The following NCOA6 variants were observed in gnomAD, a reference collection of about 807,000 sequenced individuals.
NCOA6 encodes NRC RAP250.
In NCOA6, 49 loss-of-function variants were observed where a neutral mutation model predicts 171.4. The ratio of observed to expected loss-of-function variants is 0.29; its 90% CI spans 0.23 to 0.36. The LOEUF (loss-of-function observed/expected upper bound fraction) is 0.36. NCOA6 is among the 10% of genes least tolerant of loss of function. The pLI is 1.00. For synonymous variants in NCOA6, 910 were observed against 927.5 expected, an observed-to-expected ratio of 0.98 and a Z score of 0.34; for missense variants, 2,248 against 2,554.5, an observed-to-expected ratio of 0.88 and a Z score of 2.59.
rs146535550 is a variant in NCOA6 at position 34,749,991 on chromosome 20, T to C, written c.2204A>G (p.Asn735Ser). 63 of 1,614,140 alleles carry C rather than the reference T, an allele frequency of 3.9e-5. No individual in the cohort carries two copies. The highest frequency in any genetic ancestry group is 6.6e-5 in the South Asian group (6 of 91,094). Residue 735 changes from asparagine (N) to serine (S), a missense_variant, in exon 9 of 15, where the codon AAT (asparagine) becomes AGT (serine). This residue lies in a region of NCOA6 where 987 missense variants were observed against 1,104.7 expected (regional missense o/e 0.89). Coordinates refer to ENST00000359003, the MANE Select transcript of NCOA6 (RefSeq NM_014071.5). ...TATCTGGGCTGGTCCCGGCATGACA[T>C]TGGACTGGTTCTGAGTGTTAAACTG... is the stretch of plus-strand genomic sequence containing the variant. Reference protein sequence around the residue: ...KQQFNTQNQSNVMPGPAQIMR... With the variant: ...KQQFNTQNQSSVMPGPAQIMR...
chr20:34,775,855 T>A (rs2077304889), intron 4 of NCOA6, among the ~76,000 whole-genome samples: 1 of 151,966 alleles, frequency 6.6e-6, no homozygotes, highest in Non-Finnish European at 1.5e-5. Flanking sequence ...ATAGGTGTAG[T>A]CCCAGCTACT....
intron 1 of NCOA6, among the ~76,000 whole-genome samples, chr20:34,824,203 T>C (rs1316379995): frequency 6.6e-6 from 1 of 152,246 alleles, no homozygotes; most frequent in African/African-American, 2.4e-5. Flanking sequence ...GTTTGTTTGC[T>C]TTTAGTTTCA....
chr20:34,734,178 C>A (rs1372039820), intron 12 of NCOA6, among the ~76,000 whole-genome samples: 1 of 152,080 alleles, frequency 6.6e-6, no homozygotes, highest in Non-Finnish European at 1.5e-5. Context: ...GATTCTCCTG[C>A]CACAGCCTCC....
chr20:34,744,464 T>A (rs192928968), intron 10 of NCOA6, among the ~76,000 whole-genome samples: 1 of 152,190 alleles, frequency 6.6e-6, no homozygotes. Flanking sequence ...CATTGTTGCA[T>A]GAAGAGTACA....
At chr20:34,743,449 CA>C (rs2076213287) in intron 10 of NCOA6, 108 bp from the exon 11 acceptor site, 3 of 1,201,798 alleles carry the variant, frequency 2.5e-6, no homozygotes, top group Non-Finnish European at 3.5e-6. Context: ...AGACTATGCA[CA>C]AACAGCTCAG....
intron 1 of NCOA6, among the ~76,000 whole-genome samples, chr20:34,797,575 T>C (rs1246544028): frequency 6.6e-6 from 1 of 151,810 alleles, no homozygotes; most frequent in Non-Finnish European, 1.5e-5. Flanking sequence ...GAGAGACTCC[T>C]TCTGCTTGAG....
chr20:34,754,790 G>T lies in NCOA6; in HGVS notation c.1607C>A (p.Thr536Asn), dbSNP rs2076596295. ...PNFMQGQVPS[T>N]TATTPGNSGA... ...TGAATTCCCAGGGGTGGTTGCTGTG[G>T]TCGAAGGCACCTGACCTTGCATAAA... is the stretch of plus-strand genomic sequence containing the variant. The change falls in exon 8 of 15, where the codon ACC becomes AAC. Residue 536 changes from threonine to asparagine, a missense_variant. By Grantham distance (65) the Thr-to-Asn change is moderately conservative (BLOSUM62 0). Transcript: ENST00000359003. The T allele has an allele frequency of 7.4e-6, 12 of 1,614,212 alleles. No homozygotes were observed. Among genetic ancestry groups the T allele is most frequent in the Non-Finnish European group, 1.0e-5 (12 of 1,180,040 alleles).
intron 1 of NCOA6, chr20:34,819,303 TA>T (rs1244169367): frequency 1.3e-5 from 2 of 152,194 alleles, no homozygotes; most frequent in African/African-American, 2.4e-5. Flanking sequence ...ACATCTCACC[TA>T]AAAGTTTCAG....
At chr20:34,743,459 A>C in intron 10 of NCOA6, 118 bp from the exon 11 acceptor site, 1 of 1,057,268 alleles carries the variant, frequency 9.5e-7, no homozygotes, top group Non-Finnish European at 1.4e-6. Flanking sequence ...CAAACAGCTC[A>C]GGCATGCCCA....
At chr20:34,760,926 G>A (rs533720854) in intron 5 of NCOA6, among the ~76,000 whole-genome samples, 1 of 152,024 alleles carries the variant, frequency 6.6e-6, no homozygotes, top group Non-Finnish European at 1.5e-5. Context: ...TCCTTTCAAA[G>A]AAACATCTTT....
chr20:34,800,439 G>GAAC (rs1258737872), intron 1 of NCOA6, among the ~76,000 whole-genome samples: 1 of 152,100 alleles, frequency 6.6e-6, no homozygotes, highest in South Asian at 2.1e-4. Context: ...GTGGCTGAAT[G>GAAC]AACAACAACA....
At chr20:34,812,095 A>C (rs563765540) in intron 1 of NCOA6, among the ~76,000 whole-genome samples, 1 of 150,940 alleles carries the variant, frequency 6.6e-6, no homozygotes, top group Non-Finnish European at 1.5e-5. Context: ...TAAAAATACA[A>C]AAAAAAAATT....
At chr20:34,820,150 A>C (rs908155216) in intron 1 of NCOA6, 2 of 152,256 alleles carry the variant, frequency 1.3e-5, no homozygotes, top group Non-Finnish European at 1.5e-5. Flanking sequence ...TAATCCCAGC[A>C]CTTTGTGGAC....
At chr20:34,732,650 G>C in intron 12 of NCOA6, 55 bp from the exon 13 acceptor site, 1 of 1,495,700 alleles carries the variant, frequency 6.7e-7, no homozygotes. Context: ...ACAGAGAGAA[G>C]CTAGGAGTCT....
chr20:34,763,757 T>C (rs901675371), intron 5 of NCOA6, among the ~76,000 whole-genome samples: 6 of 152,150 alleles, frequency 3.9e-5, no homozygotes, highest in Non-Finnish European at 8.8e-5. Flanking sequence ...ACACCCATTC[T>C]CCCACCTAAC....
At chr20:34,790,129 A>T (rs533143590) in intron 2 of NCOA6, among the ~76,000 whole-genome samples, 1 of 152,000 alleles carries the variant, frequency 6.6e-6, no homozygotes, top group Non-Finnish European at 1.5e-5. Context: ...ATTCACAGCA[A>T]CATTATTCAC....
intron 8 of NCOA6, among the ~76,000 whole-genome samples, chr20:34,753,347 T>C (rs920011653): frequency 6.6e-6 from 1 of 150,758 alleles, no homozygotes; most frequent in African/African-American, 2.4e-5. Flanking sequence ...GCACCTGGCC[T>C]GTTTTAAAAC....
At chr20:34,820,729 C>G (rs190751450) in intron 1 of NCOA6, 1 of 144,458 alleles carries the variant, frequency 6.9e-6, no homozygotes. Flanking sequence ...TGAGATGGCA[C>G]GACTGCACTC....
chr20:34,765,217 C>T (rs1485430898), intron 5 of NCOA6, among the ~76,000 whole-genome samples: 1 of 151,730 alleles, frequency 6.6e-6, no homozygotes, highest in Non-Finnish European at 1.5e-5. Flanking sequence ...CTTTGGGAGG[C>T]CGAGACAGGT....
Sources: gnomAD v4.1 joint callset for allele counts (sites outside exome capture counted in the v4.1 genomes callset) on GRCh38, gnomAD v4.1.1 for gene constraint, gnomAD v4.1.1 regional missense constraint, MANE v1.5 for transcripts, NCBI Gene and HGNC (gene_info 2026-07-23, HGNC 2026-07-21) for gene names.